The following LYVE1 variants were observed in gnomAD, a reference collection of about 807,000 sequenced individuals.
LYVE1 encodes the protein lymphatic vessel endothelial hyaluronic acid receptor 1.
In LYVE1, 29 loss-of-function variants were observed where a neutral mutation model predicts 31.5. That is an observed-to-expected ratio of 0.92 (90% CI 0.69 to 1.26). LYVE1 has a LOEUF of 1.26. LYVE1 is among the 50% of genes most tolerant of loss of function. The probability of loss-of-function intolerance (pLI) is 0.00; values close to 1 mark genes in which losing one functional copy is unlikely to be tolerated. For synonymous variants in LYVE1, 134 were observed against 139.4 expected (o/e 0.96, Z 0.27); for missense variants, 376 against 380.2 (o/e 0.99, Z 0.09).
chr11:10,565,329 G>T (rs1850513985), intron 1 of LYVE1, among the ~76,000 whole-genome samples: 1 of 152,218 alleles, frequency 6.6e-6, no homozygotes, highest in Non-Finnish European at 1.5e-5. Flanking sequence ...ATGGATTTGG[G>T]AATTCTTTTG....
rs563726922 is a variant in LYVE1, at chr11:10,563,122, T to A, written c.397+818A>T. ...GTGCCTGCCACCACGCCTGGCTAAT[T>A]TTTTGTATTTTTAGTAGAGACGGGG... is the stretch of plus-strand genomic sequence containing the variant. On this transcript the variant is annotated intron_variant, in intron 3 of 5. Coordinates refer to ENST00000256178, the MANE Select transcript of LYVE1 (RefSeq NM_006691.4). 2.6e-5 allele frequency among the ~76,000 whole-genome samples: 4 copies of A among 151,960 alleles called. No homozygotes were observed. The South Asian group carries it at 8.3e-4, about 32-fold the overall frequency.
In LYVE1 at chr11:10,564,063, C is replaced by T. The variant is rs1850485518; in HGVS notation, c.274G>A (p.Asp92Asn). The T allele has an allele frequency of 5.6e-6, 9 of 1,614,192 alleles. No individual in the cohort carries two copies. The highest frequency in any genetic ancestry group is 7.6e-6 in the Non-Finnish European group (9 of 1,180,040). ...ATCCTAGAGATGACCACGAATCCAT[C>T]TCCAACCCAGCCATAGCTGTAAAAG... ...FETCSYGWVG[D>N]GFVVISRISP... The change falls in exon 3 of 6, where the codon GAT becomes AAT. Residue 92 changes from aspartate (D) to asparagine (N), a missense_variant. Coordinates refer to ENST00000256178, the MANE Select transcript of LYVE1 (RefSeq NM_006691.4).
intron 3 of LYVE1, 39 bp downstream of exon 3, chr11:10,563,891 GAGAGATACCC>G: frequency 6.2e-7 from 1 of 1,608,354 alleles, no homozygotes; most frequent in Non-Finnish European, 8.5e-7. Context: ...GTCTCAGAGT[GAGAGATACCC>G]AGAGAATGCC....
At position 10,559,142 on chromosome 11, in the gene LYVE1, GT is replaced by G. The variant is rs1160995219; in HGVS notation, c.937del (p.Thr313LeufsTer12). The G allele has an allele frequency of 6.2e-7, 1 of 1,614,036 alleles. No homozygotes were observed. Among genetic ancestry groups the G allele is most frequent in the East Asian group, 2.2e-5 (1 of 44,884 alleles). ...NPEESKSPSKTTVRCLEAEV is the reference protein window; with the variant it reads ...NPEESKSPSKXTVRCLEAEV ...TTCAGCTTCCAGGCATCGCACGGTA[GT>G]TTTGCTTGGACTCTTGGACTCTTCT... On this transcript the variant is annotated frameshift_variant, in exon 6 of 6. Coordinates refer to ENST00000256178, the MANE Select transcript of LYVE1 (RefSeq NM_006691.4). LOFTEE classifies it high-confidence loss of function.
At chr11:10,566,889 C>T (rs532066027) in intron 1 of LYVE1, among the ~76,000 whole-genome samples, 1 of 152,256 alleles carries the variant, frequency 6.6e-6, no homozygotes, top group East Asian at 1.9e-4. Context: ...CAACATTAGT[C>T]ATTTTATGCT....
In LYVE1 at chr11:10,568,466, CT is replaced by C. The variant is rs1850586304; in HGVS notation, c.66del (p.Gly23AlafsTer22). 6.2e-7 allele frequency: 1 copy of C among 1,613,918 alleles called. No homozygotes were observed. The highest frequency in any genetic ancestry group is 8.5e-7 in the Non-Finnish European group (1 of 1,179,936). On this transcript the variant is annotated frameshift_variant, in exon 1 of 6. Coordinates refer to ENST00000256178, the MANE Select transcript of LYVE1 (RefSeq NM_006691.4). LOFTEE classifies it high-confidence loss of function. ...AACCTACCTTCTGCACGCAAAGAGC[CT>C]TGGACCAGGAGCCTCGTGGTCCAGA... Reference protein sequence around the residue: ...TSIWTTRLLVQGSLRAEELSI... With the variant: ...TSIWTTRLLVXGSLRAEELSI...
At position 10,559,137 on chromosome 11, in the gene LYVE1, C is replaced by T. The variant is rs7948666; in HGVS notation, c.943G>A (p.Val315Met). 30,179 of 1,613,830 alleles carry T rather than the reference C, an allele frequency of 0.019. 389 individuals are homozygous for T. The highest frequency in any genetic ancestry group is 0.057 in the African/African-American group (4,293 of 74,958). The change falls in exon 6 of 6, where the codon GTG becomes ATG. Residue 315 changes from valine to methionine, a missense_variant. Physicochemically the swap from Val to Met is conservative, Grantham distance 21. Coordinates refer to ENST00000256178, the MANE Select transcript of LYVE1 (RefSeq NM_006691.4). ...TAAACTTCAGCTTCCAGGCATCGCACGGTAGTTTTGCTTGGACTCTTGGAC... is the reference window on the plus strand; with the variant it reads ...TAAACTTCAGCTTCCAGGCATCGCATGGTAGTTTTGCTTGGACTCTTGGAC... ...EESKSPSKTTVRCLEAEV is the reference protein window; with the variant it reads ...EESKSPSKTTMRCLEAEV
At chr11:10,561,035 T>G (rs1319160134) in intron 3 of LYVE1, among the ~76,000 whole-genome samples, 1 of 152,232 alleles carries the variant, frequency 6.6e-6, no homozygotes, top group East Asian at 1.9e-4. Context: ...CATCTGCTCT[T>G]TTTCTCTCAT....
chr11:10,559,372 C>T (rs1850371074), intron 5 of LYVE1, 75 bp from the exon 6 acceptor site: 1 of 1,121,602 alleles, frequency 8.9e-7, no homozygotes. Context: ...GGCCATGGTA[C>T]ATATTGGCAC....
chr11:10,563,895 G>C, intron 3 of LYVE1, 45 bp downstream of exon 3: 1 of 1,610,650 alleles, frequency 6.2e-7, no homozygotes, highest in African/African-American at 1.3e-5. Context: ...CAGAGTGAGA[G>C]ATACCCAGAG....
chr11:10,559,725 TGA>T, intron 5 of LYVE1, 89 bp downstream of exon 5: 1 of 1,124,182 alleles, frequency 8.9e-7, no homozygotes, highest in South Asian at 1.3e-5. Context: ...ATCTCCATTT[TGA>T]TCAGCAAAAT....
rs1421166810 is a variant in LYVE1, at chr11:10,558,507, T to C, written c.*604A>G. The stretch of plus-strand genomic sequence containing the variant: ...GTGTTTACAGTCCCTGCTGACAGTG[T>C]ACTGTCGTATCCTCAGCCTTGTTCT... On this transcript the variant is annotated 3_prime_UTR_variant, in exon 6 of 6. Transcript: ENST00000256178. The C allele has an allele frequency of 6.6e-6, 1 of 152,252 alleles. No individual in the cohort carries two copies. The highest frequency in any genetic ancestry group is 1.5e-5 in the Non-Finnish European group (1 of 68,054). 9.4% of individuals were successfully genotyped at this position (152,252 alleles called of 1,614,324 possible). A position where few individuals can be genotyped will look rare whatever the true frequency, so the allele number is the denominator to read the frequency against.
Position 10,564,308 on chromosome 11 carries a change from T to C in LYVE1, c.152A>G (p.Gln51Arg), listed in dbSNP as rs949019231. ...ITLVSKKANQQLNFTEAKEAC... is the reference protein window; with the variant it reads ...ITLVSKKANQRLNFTEAKEAC... ...CTCCTTAGCTTCTGTGAAATTCAGC[T>C]GCTGGTTCGCCTTTTTGCTCACAAG... is the stretch of plus-strand genomic sequence containing the variant. Residue 51 changes from glutamine to arginine, a missense_variant, in exon 2 of 6, where the codon CAG becomes CGG. Transcript: ENST00000256178. 6.2e-7 allele frequency: 1 copy of C among 1,614,232 alleles called. No individual in the cohort carries two copies. Among genetic ancestry groups the C allele is most frequent in the Admixed American group, 1.7e-5 (1 of 60,032 alleles).
At position 10,558,987 on chromosome 11, in the gene LYVE1, C is replaced by T; in HGVS notation, c.*124G>A. On this transcript the variant is annotated 3_prime_UTR_variant, in exon 6 of 6. Coordinates refer to ENST00000256178, the MANE Select transcript of LYVE1 (RefSeq NM_006691.4). ...TCCAATGGCAGTCCTGAGCTGATTCCAGTTAGGAACCAAGGGTGGACTTTC... is the reference window on the plus strand; with the variant it reads ...TCCAATGGCAGTCCTGAGCTGATTCTAGTTAGGAACCAAGGGTGGACTTTC... 1.2e-6 allele frequency: 1 copy of T among 852,302 alleles called. No homozygotes were observed. Among genetic ancestry groups the T allele is most frequent in the South Asian group, 1.7e-5 (1 of 59,180 alleles). 52.8% of individuals were successfully genotyped at this position (852,302 alleles called of 1,614,324 possible). A position where few individuals can be genotyped will look rare whatever the true frequency, so the allele number is the denominator to read the frequency against.
intron 5 of LYVE1, 135 bp from the exon 6 acceptor site, chr11:10,559,432 T>A: frequency 1.5e-6 from 1 of 648,396 alleles, no homozygotes; most frequent in Non-Finnish European, 2.7e-6. Context: ...ATGCATGCTC[T>A]AATACATTAA....
Position 10,565,410 on chromosome 11 carries a change from A to G in LYVE1, c.86-1036T>C, listed in dbSNP as rs1258052707. Among the ~76,000 whole-genome samples the G allele has an allele frequency of 2.6e-5, 4 of 152,388 alleles. No individual in the cohort carries two copies. In the East Asian group the frequency reaches 7.7e-4, roughly 29 times the overall value. Reference sequence around the variant, plus strand: ...GCCAAGTTGTATTGTATTCAAATACATTATTCCTACTGGGCTTCATCCACA... The same window carrying G: ...GCCAAGTTGTATTGTATTCAAATACGTTATTCCTACTGGGCTTCATCCACA... On this transcript the variant is annotated intron_variant, in intron 1 of 5. Transcript: ENST00000256178.
At chr11:10,567,332 T>G (rs1850563395) in intron 1 of LYVE1, among the ~76,000 whole-genome samples, 1 of 152,224 alleles carries the variant, frequency 6.6e-6, no homozygotes, top group African/African-American at 2.4e-5. Flanking sequence ...TCTTTTTCCC[T>G]TGCTGAGGAT....
At chr11:10,564,487 G>A in intron 1 of LYVE1, 113 bp from the exon 2 acceptor site, 3 of 939,660 alleles carry the variant, frequency 3.2e-6, no homozygotes, top group Non-Finnish European at 4.8e-6. Flanking sequence ...CTATCTGGCT[G>A]GGACTGGGGT....
chr11:10,562,784 G>T (rs1850454755), intron 3 of LYVE1, among the ~76,000 whole-genome samples: 1 of 152,092 alleles, frequency 6.6e-6, no homozygotes, highest in Non-Finnish European at 1.5e-5. Context: ...CCCTCCAGGT[G>T]TCAATCTTTT....
Sources: gnomAD v4.1 joint callset for allele counts (sites outside exome capture counted in the v4.1 genomes callset) on GRCh38, gnomAD v4.1.1 for gene constraint, MANE v1.5 for transcripts, NCBI Gene and HGNC (gene_info 2026-07-23, HGNC 2026-07-21) for gene names.